The following ATRN variants were observed in gnomAD, a reference collection of about 807,000 sequenced individuals.
ATRN encodes attractin, also known as attractin-2.
A neutral mutation model predicts 178.7 loss-of-function variants in ATRN; 54 were observed. The observed-to-expected ratio is 0.30, with a 90% CI of 0.24 to 0.38. ATRN has a LOEUF of 0.38. Among genes scored for constraint, ATRN ranks in the 10% least tolerant of loss-of-function variants. The probability of loss-of-function intolerance (pLI) is 1.00; values close to 1 mark genes in which losing one functional copy is unlikely to be tolerated. For synonymous variants in ATRN, 636 were observed against 663.0 expected (o/e 0.96, Z 0.63); for missense variants, 1,443 against 1,815.1 (o/e 0.79, Z 3.73).
intron 20 of ATRN, 110 bp from the exon 21 acceptor site, chr20:3,596,267 A>G: frequency 8.7e-7 from 1 of 1,154,868 alleles, no homozygotes; most frequent in East Asian, 2.4e-5. Context: ...GGATGCAATT[A>G]TAATGGCTCC....
rs434222 is a variant in ATRN, at chr20:3,648,271, T to C, written c.*1424T>C. On this transcript the variant is annotated 3_prime_UTR_variant, in exon 29 of 29. Transcript: ENST00000262919. The stretch of plus-strand genomic sequence containing the variant: ...TGAAAAGCACATGGAAAAAAATGGA[T>C]GAGGAGGGAAAACTCTGCCAAATGG... The C allele has an allele frequency of 0.87, 132,160 of 152,024 alleles. 57,792 individuals carry two copies. Among genetic ancestry groups the C allele is most frequent in the East Asian group, 1 (5,117 of 5,124 alleles). 9.4% of individuals were successfully genotyped at this position (152,024 alleles called of 1,614,324 possible).
chr20:3,480,178 A>G (rs1307197849), intron 1 of ATRN, among the ~76,000 whole-genome samples: 1 of 152,062 alleles, frequency 6.6e-6, no homozygotes, highest in Non-Finnish European at 1.5e-5. Context: ...TTTATGCTTG[A>G]CCTAGGATAA....
Position 3,597,962 on chromosome 20 carries a change from T to C in ATRN, c.3526T>C (p.Tyr1176His), listed in dbSNP as rs1198462543. The C allele has an allele frequency of 6.2e-7, 1 of 1,612,526 alleles. No homozygotes were observed. The highest frequency in any genetic ancestry group is 2.2e-5 in the East Asian group (1 of 44,862). Reference sequence around the variant, plus strand: ...TAGTCTATCCCAGGAAGATGATCGCTATTACACAGCTATCAATTTTGTGGC... The same window carrying C: ...TAGTCTATCCCAGGAAGATGATCGCCATTACACAGCTATCAATTTTGTGGC... ...TFSLSQEDDRYYTAINFVATP... is the reference protein window; with the variant it reads ...TFSLSQEDDRHYTAINFVATP... Residue 1176 changes from tyrosine to histidine, a missense_variant, in exon 22 of 29, where the codon TAT becomes CAT. Around this residue, in one of 4 missense-constraint regions of ATRN, gnomAD observed 289 missense variants for 440.8 expected, o/e 0.66. Transcript: ENST00000262919.
chr20:3,599,275 T>C (rs892085158), intron 22 of ATRN, among the ~76,000 whole-genome samples: 11 of 152,200 alleles, frequency 7.2e-5, no homozygotes, highest in African/African-American at 1.2e-4. Flanking sequence ...CACTGCCTCA[T>C]AAGCAAGCGT....
chr20:3,512,682 C>T (rs1374417918), intron 1 of ATRN, among the ~76,000 whole-genome samples: 3 of 152,196 alleles, frequency 2.0e-5, no homozygotes, highest in African/African-American at 7.2e-5. Flanking sequence ...GGAATCGCCA[C>T]ACTGACTTCC....
intron 1 of ATRN, among the ~76,000 whole-genome samples, chr20:3,534,651 C>T (rs2085499008): frequency 1.3e-5 from 2 of 152,134 alleles, no homozygotes; most frequent in South Asian, 4.1e-4. Context: ...TAGCGTCCTT[C>T]TTAAATATTA....
chr20:3,472,346 A>G (rs886709884), intron 1 of ATRN, among the ~76,000 whole-genome samples: 9 of 152,204 alleles, frequency 5.9e-5, no homozygotes, highest in Admixed American at 1.3e-4. Context: ...AGCAAGAGAA[A>G]GATAATGTGC....
rs146422362 is a variant in ATRN at position 3,483,637 on chromosome 20, A to G, written c.410+12120A>G. On this transcript the variant is annotated intron_variant, in intron 1 of 28. Coordinates refer to ENST00000262919, the MANE Select transcript of ATRN (RefSeq NM_139321.3). Reference sequence around the variant, plus strand: ...GCTGGGATTGCAGGTGTGAGCCACCATGCCCGGCCCAATTAGCATTCTTTA... The same window carrying G: ...GCTGGGATTGCAGGTGTGAGCCACCGTGCCCGGCCCAATTAGCATTCTTTA... Among the ~76,000 whole-genome samples the G allele has an allele frequency of 4.7e-3, 720 of 152,246 alleles. 2 individuals are homozygous for G. Among genetic ancestry groups the G allele is most frequent in the Non-Finnish European group, 8.3e-3 (567 of 68,028 alleles).
At chr20:3,510,736 C>G (rs1291985463) in intron 1 of ATRN, among the ~76,000 whole-genome samples, 1 of 151,974 alleles carries the variant, frequency 6.6e-6, no homozygotes, top group Non-Finnish European at 1.5e-5. Flanking sequence ...TTTTATTCTC[C>G]TGTTTGAGGT....
intron 12 of ATRN, among the ~76,000 whole-genome samples, chr20:3,575,122 C>G (rs2146246460): frequency 6.6e-6 from 1 of 152,304 alleles, no homozygotes; most frequent in African/African-American, 2.4e-5. Flanking sequence ...CGCCACTATG[C>G]CCAGCTAATT....
chr20:3,608,893 G>C (rs540259196), intron 24 of ATRN, among the ~76,000 whole-genome samples: 7 of 151,690 alleles, frequency 4.6e-5, no homozygotes, highest in African/African-American at 1.7e-4. Context: ...CTTGAACCCG[G>C]GAGGAGGAGG....
chr20:3,577,749 T>C (rs1049494803), intron 14 of ATRN, among the ~76,000 whole-genome samples: 2 of 152,152 alleles, frequency 1.3e-5, no homozygotes, highest in Non-Finnish European at 2.9e-5. Flanking sequence ...GCGAAAGGCA[T>C]ATTCTGGTGC....
intron 11 of ATRN, among the ~76,000 whole-genome samples, 180 bp from the exon 12 acceptor site, chr20:3,572,551 G>A (rs905796098): frequency 3.9e-5 from 6 of 151,990 alleles, no homozygotes; most frequent in African/African-American, 1.5e-4. Context: ...ATGTGGTGGT[G>A]TGTGCCTGTA....
Position 3,565,438 on chromosome 20 carries a change from T to C in ATRN, c.1871+6T>C. ...TCAGCAGTCTTACACAACAGGTAAT[T>C]GGAGAAGTGATTGCTCCTTTTCTTT... On this transcript the variant is annotated splice_donor_region_variant and intron_variant, in intron 11 of 28. Transcript: ENST00000262919. 6.2e-7 allele frequency: 1 copy of C among 1,607,110 alleles called. No individual in the cohort carries two copies. Among genetic ancestry groups the C allele is most frequent in the Non-Finnish European group, 8.5e-7 (1 of 1,173,720 alleles).
chr20:3,549,155 TTA>T lies in ATRN; in HGVS notation c.944-13_944-12del, dbSNP rs750201064. 1 of 1,565,404 alleles carries T rather than the reference TTA, an allele frequency of 6.4e-7. No homozygotes were observed. Among genetic ancestry groups the T allele is most frequent in the African/African-American group, 1.4e-5 (1 of 72,108 alleles). On this transcript the variant is annotated splice_polypyrimidine_tract_variant and intron_variant, in intron 5 of 28. Transcript: ENST00000262919. ...AGCTGTCTTTTGTGAAGCTAATTCA[TTA>T]TGTTTTTATTAGGTCCTGGATGTTC...
At chr20:3,635,791 G>C (rs934930963) in intron 26 of ATRN, among the ~76,000 whole-genome samples, 1 of 152,058 alleles carries the variant, frequency 6.6e-6, no homozygotes, top group African/African-American at 2.4e-5. Flanking sequence ...TTATCATAGA[G>C]GGAATGTTGC....
Position 3,565,422 on chromosome 20 carries a change from T to G in ATRN, c.1861T>G (p.Leu621Val). The G allele has an allele frequency of 6.2e-7, 1 of 1,613,006 alleles. No individual in the cohort carries two copies. Among genetic ancestry groups the G allele is most frequent in the Non-Finnish European group, 8.5e-7 (1 of 1,179,000 alleles). ...CAACAGATTTGGCCATTCAGCAGTCTTACACAACAGGTAATTGGAGAAGTG... is the reference window on the plus strand; with the variant it reads ...CAACAGATTTGGCCATTCAGCAGTCGTACACAACAGGTAATTGGAGAAGTG... ...DVNRFGHSAV[L>V]HNSTMYVFGG... Residue 621 changes from leucine to valine, a missense_variant, in exon 11 of 29, where the codon TTA (leucine) becomes GTA (valine). Around this residue, in one of 4 missense-constraint regions of ATRN, gnomAD observed 862 missense variants for 972.1 expected, o/e 0.89. Coordinates refer to ENST00000262919, the MANE Select transcript of ATRN (RefSeq NM_139321.3).
In ATRN at chr20:3,494,007, T is replaced by C. The variant is rs2084843700; in HGVS notation, c.410+22490T>C. Among the ~76,000 whole-genome samples, 5 of 152,208 alleles carry C rather than the reference T, an allele frequency of 3.3e-5. 1 individual carries two copies. Among genetic ancestry groups the C allele is most frequent in the African/African-American group, 7.2e-5 (3 of 41,456 alleles). ...TCTTGAGAAAGTCTTGGTAGTGTAG[T>C]GGGCAGAGATTATTCTCTATAACAG... On this transcript the variant is annotated intron_variant, in intron 1 of 28. Transcript: ENST00000262919.
At chr20:3,480,122 A>T (rs1407900028) in intron 1 of ATRN, among the ~76,000 whole-genome samples, 1 of 152,206 alleles carries the variant, frequency 6.6e-6, no homozygotes, top group Non-Finnish European at 1.5e-5. Flanking sequence ...TTGTAAGGTT[A>T]TAATGGCCTC....
Sources: allele counts gnomAD v4.1 joint callset (sites outside exome capture counted in the v4.1 genomes callset), GRCh38; gene constraint gnomAD v4.1.1; regional missense constraint gnomAD v4.1.1; transcripts MANE v1.5; gene names NCBI Gene and HGNC (gene_info 2026-07-23, HGNC 2026-07-21).